KCNN3: variants seen among roughly 807,000 people sequenced by gnomAD.
The protein encoded by KCNN3 is potassium calcium-activated channel subfamily N member 3, also known as small conductance calcium-activated potassium channel protein 3.
Under a neutral mutation model 62.9 loss-of-function variants are expected in KCNN3, and 16 were observed. The ratio of observed to expected loss-of-function variants is 0.25; its 90% CI spans 0.17 to 0.39. KCNN3 has a LOEUF of 0.39. KCNN3 is among the 10% of genes least tolerant of loss of function. KCNN3 has a pLI of 1.00. For missense variants in KCNN3, 599 were observed against 949.4 expected (o/e 0.63, Z 4.85); for synonymous variants, 370 against 389.2 (o/e 0.95, Z 0.58).
At chr1:154,773,963 G>A (rs533596194) in intron 2 of KCNN3, among the ~76,000 whole-genome samples, 33 of 152,272 alleles carry the variant, frequency 2.2e-4, no homozygotes, top group Non-Finnish European at 2.8e-4. Context: ...AAGTGTTCAC[G>A]GCACGGACTC....
intron 4 of KCNN3, among the ~76,000 whole-genome samples, chr1:154,726,262 C>T (rs1700460365): frequency 6.6e-6 from 1 of 152,192 alleles, no homozygotes; most frequent in Admixed American, 6.5e-5. Context: ...TGCAGCTGAC[C>T]TCTGGGAGGC....
chr1:154,753,766 T>C (rs4845668), intron 3 of KCNN3, among the ~76,000 whole-genome samples: 82,418 of 152,094 alleles, frequency 0.54, 22,801 homozygotes, highest in East Asian at 0.77. Context: ...GCTGTTCAGG[T>C]CTCCTCTTGT....
intron 1 of KCNN3, among the ~76,000 whole-genome samples, chr1:154,857,348 T>G (rs1652578506): frequency 1.3e-5 from 2 of 152,172 alleles, no homozygotes; most frequent in Admixed American, 1.3e-4. Flanking sequence ...CACAGGAGAC[T>G]TTCCTCAGCC....
intron 1 of KCNN3, among the ~76,000 whole-genome samples, chr1:154,832,193 T>A (rs1391895375): frequency 6.6e-6 from 1 of 151,784 alleles, no homozygotes; most frequent in Non-Finnish European, 1.5e-5. Context: ...AATAAAAAAA[T>A]GGGCTCCTGA....
At chr1:154,831,818 GC>G (rs1315688182) in intron 1 of KCNN3, among the ~76,000 whole-genome samples, 1 of 152,074 alleles carries the variant, frequency 6.6e-6, no homozygotes, top group African/African-American at 2.4e-5. Context: ...GTGAAGACCT[GC>G]TCTGACTTTA....
At chr1:154,867,831 C>T (rs577695294) in intron 1 of KCNN3, 108 of 380,796 alleles carry the variant, frequency 2.8e-4, no homozygotes, top group African/African-American at 2.2e-3. Context: ...ACACACACAC[C>T]AACAAATTGG....
chr1:154,771,800 T>A lies in KCNN3; in HGVS notation c.1448+175A>T. ...CTTACTTTGGTTCCAATGCTGCAAT[T>A]CTAGCTCATACTGAACCCCAACTCA... On this transcript the variant is annotated intron_variant, in intron 3 of 7. Transcript: ENST00000271915. 4.2e-6 allele frequency: 3 copies of A among 712,858 alleles called. No homozygotes were observed. The South Asian group carries it at 4.6e-5, about 11-fold the overall frequency. 44.2% of individuals were successfully genotyped at this position (712,858 alleles called of 1,614,324 possible). A position where few individuals can be genotyped will look rare whatever the true frequency, so the allele number is the denominator to read the frequency against.
chr1:154,791,369 C>T (rs1192234649), intron 2 of KCNN3, among the ~76,000 whole-genome samples: 1 of 150,716 alleles, frequency 6.6e-6, no homozygotes, highest in Non-Finnish European at 1.5e-5. Context: ...ATTCTTGCGG[C>T]TGGTGCTGGG....
At chr1:154,712,550 T>C (rs1484218806) in intron 7 of KCNN3, among the ~76,000 whole-genome samples, 1 of 152,208 alleles carries the variant, frequency 6.6e-6, no homozygotes, top group Non-Finnish European at 1.5e-5. Flanking sequence ...CTGATTGCAC[T>C]CTTTTCAAAG....
intron 1 of KCNN3, among the ~76,000 whole-genome samples, 179 bp from the exon 2 acceptor site, chr1:154,822,363 G>A (rs1016441676): frequency 1.6e-4 from 25 of 152,208 alleles, no homozygotes; most frequent in Non-Finnish European, 2.4e-4. Context: ...GGCTGTGCCC[G>A]GGCCGGCTCT....
intron 1 of KCNN3, chr1:154,867,846 G>A (rs1415873294): frequency 5.7e-5 from 28 of 490,012 alleles, no homozygotes; most frequent in Non-Finnish European, 7.1e-5. Context: ...AATTGGGGGT[G>A]GGGGTATCGT....
rs187814935 is a variant in KCNN3, at chr1:154,798,745, G to A, written c.1029+23344C>T. On this transcript the variant is annotated intron_variant, in intron 2 of 7. Coordinates refer to ENST00000271915, the MANE Select transcript of KCNN3 (RefSeq NM_002249.6). The stretch of plus-strand genomic sequence containing the variant: ...TACCTACTTTGCAGATTAGGGGCAC[G>A]AGACTTACAGAGTGTGTGAAGTTAC... 5.9e-5 allele frequency among the ~76,000 whole-genome samples: 9 copies of A among 152,312 alleles called. No homozygotes were observed. The East Asian group carries it at 9.6e-4, about 16-fold the overall frequency.
intron 3 of KCNN3, among the ~76,000 whole-genome samples, chr1:154,755,493 G>GAAAGAAAGAAAGAA (rs1647601187): frequency 1.8e-5 from 1 of 55,240 alleles, no homozygotes; most frequent in African/African-American, 5.6e-5. Flanking sequence ...GGAAGAAAGG[G>GAAAGAAAGAAAGAA]AGAAAGAAAG....
At chr1:154,804,273 C>T (rs1453330452) in intron 2 of KCNN3, among the ~76,000 whole-genome samples, 1 of 152,256 alleles carries the variant, frequency 6.6e-6, no homozygotes. Flanking sequence ...CTCGAATTCA[C>T]AACTCATGAA....
At chr1:154,744,191 G>A (rs1571231231) in intron 3 of KCNN3, among the ~76,000 whole-genome samples, 1 of 151,204 alleles carries the variant, frequency 6.6e-6, no homozygotes, top group African/African-American at 2.4e-5. Flanking sequence ...TTTCTTTACT[G>A]CTGTATCCCT....
chr1:154,708,158 A>T lies in KCNN3; in HGVS notation c.2014T>A (p.Ser672Thr), dbSNP rs773185644. 6.2e-7 allele frequency: 1 copy of T among 1,613,568 alleles called. No homozygotes were observed. The highest frequency in any genetic ancestry group is 8.5e-7 in the Non-Finnish European group (1 of 1,179,924). Reference sequence around the variant, plus strand: ...GTGTCGGCGATGAGCAGCGGCAGGGAGTTGAAGCTGGCGGTGAGATGCTCC... The same window carrying T: ...GTGTCGGCGATGAGCAGCGGCAGGGTGTTGAAGCTGGCGGTGAGATGCTCC... Reference protein sequence around the residue: ...KLEHLTASFNSLPLLIADTLR... With the variant: ...KLEHLTASFNTLPLLIADTLR... Residue 672 changes from serine to threonine, a missense_variant, in exon 8 of 8, where the codon TCC becomes ACC. By Grantham distance (58) the Ser-to-Thr change is moderately conservative. Coordinates refer to ENST00000271915, the MANE Select transcript of KCNN3 (RefSeq NM_002249.6).
intron 4 of KCNN3, 32 bp from the exon 5 acceptor site, chr1:154,726,058 A>G: frequency 6.6e-7 from 1 of 1,522,344 alleles, no homozygotes; most frequent in Non-Finnish European, 9.1e-7. Context: ...ACCAGAGGGG[A>G]AAGAACATAT....
Position 154,809,237 on chromosome 1 carries a change from C to A in KCNN3, c.1029+12852G>T, listed in dbSNP as rs998149206. ...TCAACACTCAGCCCCAGCAGCCAAG[C>A]CCCAGCACCAGCAGCCACGCTTTCA... On this transcript the variant is annotated intron_variant, in intron 2 of 7. Coordinates refer to ENST00000271915, the MANE Select transcript of KCNN3 (RefSeq NM_002249.6). This position sits in a 1 kb window ranked among gnomAD's most constrained non-coding sequence, Gnocchi z 4.3. 1.2e-4 allele frequency among the ~76,000 whole-genome samples: 18 copies of A among 152,308 alleles called. 1 individual carries two copies. The highest frequency in any genetic ancestry group is 4.1e-4 in the African/African-American group (17 of 41,566).
chr1:154,840,868 C>T (rs1651795022), intron 1 of KCNN3, among the ~76,000 whole-genome samples: 1 of 152,242 alleles, frequency 6.6e-6, no homozygotes, highest in African/African-American at 2.4e-5. Context: ...CCACCAACGC[C>T]CTCCCCGGAT....
Sources: gnomAD v4.1 joint callset for allele counts (sites outside exome capture counted in the v4.1 genomes callset) on GRCh38, gnomAD v4.1.1 for gene constraint, Gnocchi (gnomAD v3.1) non-coding constraint, MANE v1.5 for transcripts, NCBI Gene and HGNC (gene_info 2026-07-23, HGNC 2026-07-21) for gene names.